The following GGACT variants were observed in gnomAD, a reference collection of about 807,000 sequenced individuals.
The protein encoded by GGACT is gamma-glutamylamine cyclotransferase.
For synonymous variants in GGACT, 118 were observed against 115.3 expected (o/e 1.02, Z -0.15); for missense variants, 241 against 233.2 (o/e 1.03, Z -0.22).
At chr13:100,575,423 A>T (rs1316272135) in intron 2 of GGACT, among the ~76,000 whole-genome samples, 2 of 152,190 alleles carry the variant, frequency 1.3e-5, no homozygotes, top group African/African-American at 4.8e-5. Flanking sequence ...AAAGAGATAG[A>T]TGCATGATTT....
intron 2 of GGACT, among the ~76,000 whole-genome samples, chr13:100,565,618 T>A (rs998655105): frequency 1.3e-5 from 2 of 152,174 alleles, no homozygotes; most frequent in African/African-American, 4.8e-5. Flanking sequence ...TGTTTTACGT[T>A]GATGATGACG....
chr13:100,535,737 T>TTC (rs2088482604), intron 2 of GGACT: 1 of 152,240 alleles, frequency 6.6e-6, no homozygotes, highest in Admixed American at 6.5e-5. Flanking sequence ...ATACTATGAT[T>TTC]ACATTTCCTT....
At chr13:100,566,425 T>G (rs1451519312) in intron 2 of GGACT, among the ~76,000 whole-genome samples, 1 of 152,246 alleles carries the variant, frequency 6.6e-6, no homozygotes, top group African/African-American at 2.4e-5. Context: ...TCCTCAGCAC[T>G]CTGCCTGGCA....
At chr13:100,576,539 T>C (rs1875250916) in intron 2 of GGACT, among the ~76,000 whole-genome samples, 1 of 152,070 alleles carries the variant, frequency 6.6e-6, no homozygotes, top group South Asian at 2.1e-4. Flanking sequence ...CTGTAAATAA[T>C]CCAAATGGCC....
chr13:100,584,824 A>G (rs1875517592), intron 1 of GGACT, among the ~76,000 whole-genome samples: 1 of 152,214 alleles, frequency 6.6e-6, no homozygotes, highest in Non-Finnish European at 1.5e-5. Flanking sequence ...TAACAGCTCT[A>G]TATACTCTCC....
At chr13:100,556,933 ATGCAATCTTGGCTCAC>A (rs961318052) in intron 2 of GGACT, among the ~76,000 whole-genome samples, 11 of 152,082 alleles carry the variant, frequency 7.2e-5, no homozygotes, top group Admixed American at 5.9e-4. Context: ...GAGTGCAGTG[ATGCAATCTTGGCTCAC>A]TGCAATCTTG....
intron 2 of GGACT, among the ~76,000 whole-genome samples, chr13:100,558,474 G>A (rs1246299937): frequency 1.3e-5 from 2 of 152,158 alleles, no homozygotes; most frequent in African/African-American, 4.8e-5. Context: ...CATTAGAGTG[G>A]CTAACATTGA....
intron 2 of GGACT, among the ~76,000 whole-genome samples, chr13:100,574,776 T>A (rs1355814293): frequency 6.6e-6 from 1 of 152,056 alleles, no homozygotes; most frequent in Non-Finnish European, 1.5e-5. Context: ...CCTGCACAGG[T>A]ACCTCCTGTA....
intron 2 of GGACT, among the ~76,000 whole-genome samples, chr13:100,573,119 A>T (rs1875136724): frequency 6.6e-6 from 1 of 152,168 alleles, no homozygotes; most frequent in South Asian, 2.1e-4. Flanking sequence ...AGAGTGGGAG[A>T]GAAGCGGCAT....
intron 2 of GGACT, among the ~76,000 whole-genome samples, chr13:100,553,641 C>G (rs909890743): frequency 6.6e-6 from 1 of 151,976 alleles, no homozygotes; most frequent in African/African-American, 2.4e-5. Flanking sequence ...GTCAGGAGTT[C>G]GGGACCAGCC....
intron 2 of GGACT, among the ~76,000 whole-genome samples, chr13:100,569,121 G>C (rs1050237555): frequency 6.6e-6 from 1 of 152,242 alleles, no homozygotes; most frequent in East Asian, 1.9e-4. Context: ...CACGGTGCAA[G>C]CCATTGGTGG....
intron 2 of GGACT, among the ~76,000 whole-genome samples, chr13:100,554,856 A>G (rs1486692705): frequency 1.3e-5 from 2 of 152,344 alleles, no homozygotes; most frequent in African/African-American, 4.8e-5. Context: ...CATCAGTATA[A>G]GAAATCAAGG....
At position 100,548,287 on chromosome 13, in the gene GGACT, T is replaced by C. The variant is rs544666299; in HGVS notation, c.-10-15686A>G. On this transcript the variant is annotated intron_variant, in intron 2 of 2. Coordinates refer to ENST00000683975, the MANE Select transcript of GGACT (RefSeq NM_001195087.2). ...GAGTTTGAAACAGGAATAAAATATA[T>C]ATTAGTGTTTTGTTTTTTAGAAACA... Among the ~76,000 whole-genome samples, 123 of 152,358 alleles carry C rather than the reference T, an allele frequency of 8.1e-4. No homozygotes were observed. In the Middle Eastern group the frequency reaches 0.014, roughly 17 times the overall value.
chr13:100,586,433 C>T (rs893751476), intron 1 of GGACT, among the ~76,000 whole-genome samples: 1 of 152,154 alleles, frequency 6.6e-6, no homozygotes, highest in Non-Finnish European at 1.5e-5. Context: ...GAACCTTGAT[C>T]AAAATGTAGA....
chr13:100,583,703 C>G (rs555495101), intron 2 of GGACT, 122 bp downstream of exon 2: 18 of 152,282 alleles, frequency 1.2e-4, no homozygotes, highest in African/African-American at 4.3e-4. Context: ...CTCCCCACCA[C>G]TACTATTCTT....
intron 2 of GGACT, among the ~76,000 whole-genome samples, chr13:100,579,677 T>C (rs549081975): frequency 1.2e-4 from 18 of 152,248 alleles, no homozygotes; most frequent in Non-Finnish European, 2.6e-4. Context: ...CTCGGTCTAT[T>C]TCCATCAGCT....
chr13:100,532,491 C>T lies in GGACT; in HGVS notation c.101G>A (p.Gly34Asp). 9 of 1,548,854 alleles carry T rather than the reference C, an allele frequency of 5.8e-6. No individual in the cohort carries two copies. The highest frequency in any genetic ancestry group is 7.9e-6 in the Non-Finnish European group (9 of 1,146,234). Residue 34 changes from glycine (G) to aspartate (D), a missense_variant, in exon 3 of 3, where the codon GGC becomes GAC. By Grantham distance (94) the Gly-to-Asp change is moderately conservative. Coordinates refer to ENST00000683975, the MANE Select transcript of GGACT (RefSeq NM_001195087.2). ...AHGSAAFRAR[G>D]RTLEPYPLVI... Reference sequence around the variant, plus strand: ...CAACGGGTAGGGCTCCAGCGTGCGGCCGCGCGCCCGAAAGGCTGCGGAGCC... The same window carrying T: ...CAACGGGTAGGGCTCCAGCGTGCGGTCGCGCGCCCGAAAGGCTGCGGAGCC...
At chr13:100,552,116 C>T (rs1368677592) in intron 2 of GGACT, among the ~76,000 whole-genome samples, 2 of 152,228 alleles carry the variant, frequency 1.3e-5, no homozygotes, top group Non-Finnish European at 2.9e-5. Context: ...AAGGCAAAGC[C>T]TGGTGGAAAC....
At chr13:100,566,094 G>C (rs2088808244) in intron 2 of GGACT, among the ~76,000 whole-genome samples, 1 of 152,188 alleles carries the variant, frequency 6.6e-6, no homozygotes, top group African/African-American at 2.4e-5. Flanking sequence ...GTGAGCTCCA[G>C]GTCTCCCCAA....
Sources: gnomAD v4.1 joint callset for allele counts (sites outside exome capture counted in the v4.1 genomes callset) on GRCh38, gnomAD v4.1.1 for gene constraint, MANE v1.5 for transcripts, NCBI Gene and HGNC (gene_info 2026-07-23, HGNC 2026-07-21) for gene names.